Variants in ZFPM2 observed in about 807,000 individuals in gnomAD.
ZFPM2 encodes the protein zinc finger protein ZFPM2.
A neutral mutation model predicts 98.6 loss-of-function variants in ZFPM2; 20 were observed. That is an observed-to-expected ratio of 0.20 (90% confidence interval 0.14 to 0.29). The LOEUF is 0.29. ZFPM2 is among the 10% of genes least tolerant of loss of function. The pLI is 1.00. For missense variants in ZFPM2, 1,310 were observed against 1,388.6 expected (o/e 0.94, Z 0.90); for synonymous variants, 518 against 502.7 (o/e 1.03, Z -0.41).
intron 1 of ZFPM2, among the ~76,000 whole-genome samples, chr8:105,362,772 A>G (rs1449117918): frequency 2.6e-5 from 4 of 152,294 alleles, no homozygotes; most frequent in African/African-American, 2.4e-5. Flanking sequence ...GTGTTGTGTC[A>G]TTCAGTTTAA....
At chr8:105,609,656 A>C (rs1816266064) in intron 4 of ZFPM2, among the ~76,000 whole-genome samples, 1 of 152,192 alleles carries the variant, frequency 6.6e-6, no homozygotes. Context: ...GAGAGTAGAC[A>C]GTGCCTGATG....
intron 5 of ZFPM2, among the ~76,000 whole-genome samples, chr8:105,749,245 G>A (rs1563547832): frequency 6.6e-6 from 1 of 152,006 alleles, no homozygotes; most frequent in Non-Finnish European, 1.5e-5. Context: ...AAAAAGAAAA[G>A]TAGTCTGCCT....
chr8:105,590,343 T>G (rs897759624), intron 4 of ZFPM2, among the ~76,000 whole-genome samples: 2 of 152,222 alleles, frequency 1.3e-5, no homozygotes, highest in African/African-American at 4.8e-5. Flanking sequence ...ATAAGAGACC[T>G]GTGGAGGATA....
chr8:105,790,447 A>ATATC (rs4036841), intron 6 of ZFPM2, among the ~76,000 whole-genome samples: 1 of 152,108 alleles, frequency 6.6e-6, no homozygotes, highest in Admixed American at 6.5e-5. Flanking sequence ...CCATTGATCT[A>ATATC]TATCTATCTC....
At chr8:105,512,101 T>TC (rs1813829548) in intron 3 of ZFPM2, among the ~76,000 whole-genome samples, 1 of 152,110 alleles carries the variant, frequency 6.6e-6, no homozygotes, top group Non-Finnish European at 1.5e-5. Flanking sequence ...GCTGAGATCA[T>TC]CCCACTGCAC....
chr8:105,341,023 C>A (rs1469641377), intron 1 of ZFPM2, among the ~76,000 whole-genome samples: 5 of 151,774 alleles, frequency 3.3e-5, no homozygotes, highest in Non-Finnish European at 1.5e-5. Context: ...GACAAATGTC[C>A]CCTAGAGACT....
At chr8:105,496,977 C>T (rs1398954557) in intron 3 of ZFPM2, among the ~76,000 whole-genome samples, 3 of 108,230 alleles carry the variant, frequency 2.8e-5, no homozygotes, top group Non-Finnish European at 5.3e-5. Context: ...AGTGAAACTC[C>T]GTCTCAAAAA....
At chr8:105,671,093 C>A (rs1817585317) in intron 5 of ZFPM2, among the ~76,000 whole-genome samples, 1 of 151,938 alleles carries the variant, frequency 6.6e-6, no homozygotes, top group Non-Finnish European at 1.5e-5. Flanking sequence ...ATGTATTCAT[C>A]TCTTTAAAAC....
At chr8:105,757,924 C>T (rs1563551329) in intron 5 of ZFPM2, among the ~76,000 whole-genome samples, 1 of 152,118 alleles carries the variant, frequency 6.6e-6, no homozygotes, top group Non-Finnish European at 1.5e-5. Flanking sequence ...CCTAGAATGT[C>T]TCCCAAAGCT....
At chr8:105,634,760 C>T (rs552373849) in intron 5 of ZFPM2, among the ~76,000 whole-genome samples, 1 of 152,258 alleles carries the variant, frequency 6.6e-6, no homozygotes, top group African/African-American at 2.4e-5. Context: ...CCAAGAGGCT[C>T]TACATTCTAG....
chr8:105,693,879 C>T (rs1810949717), intron 5 of ZFPM2, among the ~76,000 whole-genome samples: 1 of 151,224 alleles, frequency 6.6e-6, no homozygotes, highest in African/African-American at 2.4e-5. Context: ...TTACTTCAAA[C>T]ATTTTATTAT....
intron 3 of ZFPM2, among the ~76,000 whole-genome samples, chr8:105,555,042 A>T (rs1814953519): frequency 6.6e-6 from 1 of 151,822 alleles, no homozygotes; most frequent in Non-Finnish European, 1.5e-5. Flanking sequence ...GATATTTTAA[A>T]AAGCTGTGGG....
At position 105,446,122 on chromosome 8, in the gene ZFPM2, A is replaced by G. The variant is rs577617564; in HGVS notation, c.301+1741A>G. ...TTTTTAGTAGAGACGGGGTTTCACC[A>G]TATTAGTCAGGATGGTCTCGATCTC... On this transcript the variant is annotated intron_variant, in intron 3 of 7. Coordinates refer to ENST00000407775, the MANE Select transcript of ZFPM2 (RefSeq NM_012082.4). 3.3e-5 allele frequency among the ~76,000 whole-genome samples: 5 copies of G among 152,134 alleles called. No homozygotes were observed. In the South Asian group the frequency reaches 1.0e-3, roughly 32 times the overall value.
At chr8:105,646,140 A>AT (rs1260260097) in intron 5 of ZFPM2, among the ~76,000 whole-genome samples, 1 of 152,086 alleles carries the variant, frequency 6.6e-6, no homozygotes, top group Non-Finnish European at 1.5e-5. Flanking sequence ...TTCAAAAAAA[A>AT]AATAATAATG....
Position 105,456,952 on chromosome 8 carries a change from C to T in ZFPM2, c.301+12571C>T, listed in dbSNP as rs192143206. Among the ~76,000 whole-genome samples, 293 of 152,222 alleles carry T rather than the reference C, an allele frequency of 1.9e-3. No individual in the cohort carries two copies. In the Middle Eastern group the frequency reaches 0.02, roughly 11 times the overall value. On this transcript the variant is annotated intron_variant, in intron 3 of 7. Transcript: ENST00000407775. Reference sequence around the variant, plus strand: ...ACAGACGTGAGCCACTGCGCCTGGCCGTGTTATTTCTTTTAAATTTCATCA... The same window carrying T: ...ACAGACGTGAGCCACTGCGCCTGGCTGTGTTATTTCTTTTAAATTTCATCA...
At chr8:105,682,812 T>G (rs535628842) in intron 5 of ZFPM2, among the ~76,000 whole-genome samples, 1 of 152,134 alleles carries the variant, frequency 6.6e-6, no homozygotes, top group Non-Finnish European at 1.5e-5. Flanking sequence ...TAAATCCCAC[T>G]TCACATAAGT....
At chr8:105,672,280 T>C (rs1460939431) in intron 5 of ZFPM2, among the ~76,000 whole-genome samples, 1 of 151,878 alleles carries the variant, frequency 6.6e-6, no homozygotes, top group African/African-American at 2.4e-5. Context: ...AAAAAATACT[T>C]GATAGGATTT....
intron 5 of ZFPM2, among the ~76,000 whole-genome samples, chr8:105,714,596 T>C (rs1267600863): frequency 5.3e-5 from 8 of 151,990 alleles, no homozygotes; most frequent in Admixed American, 5.2e-4. Context: ...TTTAGTACAC[T>C]TTACTATTAT....
chr8:105,388,405 A>C (rs1353164221), intron 1 of ZFPM2, among the ~76,000 whole-genome samples: 2 of 152,228 alleles, frequency 1.3e-5, no homozygotes, highest in Non-Finnish European at 2.9e-5. Flanking sequence ...GAGACATGAT[A>C]ATAAAAATGA....
Sources: gnomAD v4.1 joint callset for allele counts (sites outside exome capture counted in the v4.1 genomes callset) on GRCh38, gnomAD v4.1.1 for gene constraint, MANE v1.5 for transcripts, NCBI Gene and HGNC (gene_info 2026-07-23, HGNC 2026-07-21) for gene names.